HMCN1: variants seen among roughly 807,000 people sequenced by gnomAD.
The protein encoded by HMCN1 is hemicentin 1.
In HMCN1, 321 loss-of-function variants were observed where a neutral mutation model predicts 625.9. The observed-to-expected ratio is 0.51, with a 90% CI of 0.47 to 0.56. The LOEUF is 0.56. Among genes scored for constraint, HMCN1 ranks in the 20% least tolerant of loss-of-function variants. The pLI is 0.00. For synonymous variants in HMCN1, 2,425 were observed against 2,417.6 expected, an observed-to-expected ratio of 1.00 and a Z score of -0.09; for missense variants, 6,588 against 6,887.3, an observed-to-expected ratio of 0.96 and a Z score of 1.54.
In HMCN1 at chr1:185,865,777, A is replaced by C. The variant is rs1243860052; in HGVS notation, c.535A>C (p.Thr179Pro). 2.5e-6 allele frequency: 4 copies of C among 1,611,276 alleles called. No individual in the cohort carries two copies. The African/African-American group carries it at 5.4e-5, about 22-fold the overall frequency. Reference protein sequence around the residue: ...FVLTGDCDDRTHIGYKVYEEI... With the variant: ...FVLTGDCDDRPHIGYKVYEEI... ...TCTGACTGGAGATTGTGATGACAGGACCCATATTGGATATAAAGTCTATGA... is the reference window on the plus strand; with the variant it reads ...TCTGACTGGAGATTGTGATGACAGGCCCCATATTGGATATAAAGTCTATGA... The change falls in exon 4 of 107, where the codon ACC (threonine) becomes CCC (proline). Residue 179 changes from threonine to proline, a missense_variant. This residue lies in a region of HMCN1 where 4,628 missense variants were observed against 4,853.1 expected (regional missense o/e 0.95). Transcript: ENST00000271588.
chr1:186,161,457 G>T (rs1047778287), intron 97 of HMCN1, among the ~76,000 whole-genome samples: 1 of 151,912 alleles, frequency 6.6e-6, no homozygotes, highest in East Asian at 1.9e-4. Context: ...ATTTGAACCT[G>T]TCATTATGAT....
At chr1:186,000,559 A>ATG (rs68110596) in intron 26 of HMCN1, among the ~76,000 whole-genome samples, 31,313 of 144,534 alleles carry the variant, frequency 0.22, 3,277 homozygotes, top group East Asian at 0.33. Context: ...GTGTGTGTGT[A>ATG]TGTGTGTGTG....
In HMCN1 at chr1:186,117,633, A is replaced by C. The variant is rs745901673; in HGVS notation, c.11848+10A>C. 1.9e-6 allele frequency: 3 copies of C among 1,611,590 alleles called. No homozygotes were observed. The highest frequency in any genetic ancestry group is 2.5e-6 in the Non-Finnish European group (3 of 1,177,778). The stretch of plus-strand genomic sequence containing the variant: ...AGAATTCTGTCCTCAGGTAAGACCA[A>C]GCTCAGTGATTTCACATCTATTGAT... On this transcript the variant is annotated intron_variant, in intron 77 of 106. Transcript: ENST00000271588.
rs189951644 is a variant in HMCN1 at position 185,933,585 on chromosome 1, C to T, written c.1589C>T (p.Thr530Ile). ...GTCATCCAAGTGCCTAACAATGTTA[C>T]AGTCACTCCTGGAGAGAGAGCAGTT... ...PPVIQVPNNV[T>I]VTPGERAVLT... The change falls in exon 11 of 107, where the codon ACA (threonine) becomes ATA (isoleucine). Residue 530 changes from threonine (T) to isoleucine (I), a missense_variant. Thr to Ile is a moderately conservative substitution (Grantham distance 89). Around this residue, in one of 3 missense-constraint regions of HMCN1, gnomAD observed 4,628 missense variants for 4,853.1 expected, o/e 0.95. Transcript: ENST00000271588. 2.3e-5 allele frequency: 37 copies of T among 1,613,940 alleles called. No homozygotes were observed. The East Asian group carries it at 8.2e-4, about 36-fold the overall frequency.
chr1:186,139,084 A>G (rs1649797878), intron 89 of HMCN1, among the ~76,000 whole-genome samples: 1 of 152,246 alleles, frequency 6.6e-6, no homozygotes, highest in Admixed American at 6.5e-5. Flanking sequence ...AGAAAAAGAA[A>G]TAATGGACAA....
intron 44 of HMCN1, among the ~76,000 whole-genome samples, 166 bp downstream of exon 44, chr1:186,054,152 T>A (rs1341739067): frequency 6.6e-6 from 1 of 152,042 alleles, no homozygotes; most frequent in Non-Finnish European, 1.5e-5. Flanking sequence ...GAGCAATTAC[T>A]TCCTTCTGGC....
Position 186,128,117 on chromosome 1 carries a change from G to A in HMCN1, c.12730G>A (p.Ala4244Thr), listed in dbSNP as rs199754426. The part of the protein sequence containing the change: ...SGFYTCVANN[A>T]AGEDTHTVSL... ...CTTCTATACCTGTGTTGCTAACAATGCTGCAGGTGAAGATACACACACTGT... is the reference window on the plus strand; with the variant it reads ...CTTCTATACCTGTGTTGCTAACAATACTGCAGGTGAAGATACACACACTGT... Residue 4244 changes from alanine to threonine, a missense_variant, in exon 83 of 107, where the codon GCT (alanine) becomes ACT (threonine). Physicochemically the swap from Ala to Thr is moderately conservative, Grantham distance 58. Around this residue, in one of 3 missense-constraint regions of HMCN1, gnomAD observed 1,954 missense variants for 2,013.1 expected, o/e 0.97. Coordinates refer to ENST00000271588, the MANE Select transcript of HMCN1 (RefSeq NM_031935.3). 3.0e-5 allele frequency: 49 copies of A among 1,613,420 alleles called. No individual in the cohort carries two copies. The highest frequency in any genetic ancestry group is 4.0e-5 in the Non-Finnish European group (47 of 1,179,678).
intron 29 of HMCN1, among the ~76,000 whole-genome samples, chr1:186,006,871 G>T (rs1653669365): frequency 6.6e-6 from 1 of 151,716 alleles, no homozygotes; most frequent in South Asian, 2.1e-4. Flanking sequence ...GACACTACTG[G>T]ATTTCTATTA....
chr1:185,881,684 A>G lies in HMCN1; in HGVS notation c.621+15821A>G, dbSNP rs376656486. Among the ~76,000 whole-genome samples the G allele has an allele frequency of 2.4e-4, 37 of 152,334 alleles. No homozygotes were observed. The East Asian group carries it at 2.7e-3, about 11-fold the overall frequency. On this transcript the variant is annotated intron_variant, in intron 4 of 106. Transcript: ENST00000271588. ...GCCTCCTGCCCCTATCACAGTGTCCATCATTTTTATTAGAAATGTAGAACA... is the reference window on the plus strand; with the variant it reads ...GCCTCCTGCCCCTATCACAGTGTCCGTCATTTTTATTAGAAATGTAGAACA...
chr1:186,081,257 G>C lies in HMCN1; in HGVS notation c.8650G>C (p.Val2884Leu). 4 of 1,613,632 alleles carry C rather than the reference G, an allele frequency of 2.5e-6. No individual in the cohort carries two copies. The highest frequency in any genetic ancestry group is 3.4e-6 in the Non-Finnish European group (4 of 1,179,620). ...ANSDLPEEVT[V>L]LVNKSALIEC... is the part of the protein sequence containing the mutation. Reference sequence around the variant, plus strand: ...TAGTGATCTCCCTGAAGAGGTCACCGTGCTGGTGAACAAGAGTGCACTGAT... The same window carrying C: ...TAGTGATCTCCCTGAAGAGGTCACCCTGCTGGTGAACAAGAGTGCACTGAT... Residue 2884 changes from valine to leucine, a missense_variant, in exon 56 of 107, where the codon GTG (valine) becomes CTG (leucine). Physicochemically the swap from Val to Leu is conservative, Grantham distance 32. Around this residue, in one of 3 missense-constraint regions of HMCN1, gnomAD observed 4,628 missense variants for 4,853.1 expected, o/e 0.95. Coordinates refer to ENST00000271588, the MANE Select transcript of HMCN1 (RefSeq NM_031935.3).
intron 30 of HMCN1, among the ~76,000 whole-genome samples, chr1:186,011,522 A>G (rs1410681571): frequency 6.6e-6 from 1 of 152,254 alleles, no homozygotes; most frequent in Non-Finnish European, 1.5e-5. Flanking sequence ...TTGACTGCCA[A>G]TTAATAAATT....
At chr1:185,904,441 A>G (rs1343219081) in intron 4 of HMCN1, among the ~76,000 whole-genome samples, 1 of 151,862 alleles carries the variant, frequency 6.6e-6, no homozygotes, top group East Asian at 1.9e-4. Context: ...ACTCTTAACA[A>G]TTTGGTGCCA....
intron 14 of HMCN1, 114 bp from the exon 15 acceptor site, chr1:185,970,221 G>A: frequency 2.1e-6 from 2 of 952,594 alleles, no homozygotes; most frequent in Non-Finnish European, 3.4e-6. Context: ...CCAAACACTT[G>A]TGTTTAAAAA....
intron 68 of HMCN1, among the ~76,000 whole-genome samples, chr1:186,098,888 C>G (rs1294844155): frequency 6.6e-6 from 1 of 151,992 alleles, no homozygotes; most frequent in Non-Finnish European, 1.5e-5. Flanking sequence ...ATGGATGAAC[C>G]TGGAGAACAT....
In HMCN1 at chr1:185,973,603, G is replaced by GA. The variant is rs1650985140; in HGVS notation, c.2371+3114dup. Among the ~76,000 whole-genome samples the GA allele has an allele frequency of 2.0e-5, 3 of 151,894 alleles. No homozygotes were observed. In the South Asian group the frequency reaches 6.2e-4, roughly 32 times the overall value. On this transcript the variant is annotated intron_variant, in intron 15 of 106. Transcript: ENST00000271588. ...CAACAATACTAGATCAAAAAATTAT[G>GA]AAAAGGCTATTTAATACGATTTTTG...
chr1:186,156,139 A>C (rs905617925), intron 97 of HMCN1, among the ~76,000 whole-genome samples: 1 of 152,114 alleles, frequency 6.6e-6, no homozygotes, highest in African/African-American at 2.4e-5. Flanking sequence ...ATTAATTATA[A>C]AGTATATATT....
chr1:185,891,294 G>T lies in HMCN1; in HGVS notation c.622-18043G>T, dbSNP rs1422887370. Among the ~76,000 whole-genome samples the T allele has an allele frequency of 2.1e-4, 30 of 141,200 alleles. 1 individual carries two copies. Among genetic ancestry groups the T allele is most frequent in the Non-Finnish European group, 3.2e-4 (21 of 66,500 alleles). 92.6% of individuals were successfully genotyped at this position (141,200 alleles called of 152,430 possible). A position where few individuals can be genotyped will look rare whatever the true frequency, so the allele number is the denominator to read the frequency against. On this transcript the variant is annotated intron_variant, in intron 4 of 106. Coordinates refer to ENST00000271588, the MANE Select transcript of HMCN1 (RefSeq NM_031935.3). ...TGCCAGTCTGTGTCTTTTAATTGGAGCATTTAGTCCATTTACATTTAAAGT... is the reference window on the plus strand; with the variant it reads ...TGCCAGTCTGTGTCTTTTAATTGGATCATTTAGTCCATTTACATTTAAAGT...
intron 11 of HMCN1, among the ~76,000 whole-genome samples, chr1:185,946,222 C>T (rs374407647): frequency 1.5e-4 from 23 of 152,250 alleles, no homozygotes; most frequent in South Asian, 1.5e-3. Flanking sequence ...TATCAACATA[C>T]GTTAAAGGCT....
chr1:185,984,941 A>T (rs750239118), intron 19 of HMCN1, among the ~76,000 whole-genome samples: 91 of 151,814 alleles, frequency 6.0e-4, no homozygotes, highest in South Asian at 1.2e-3. Context: ...TTGCTTTTTT[A>T]AAAAAAACAA....
Sources: allele counts gnomAD v4.1 joint callset (sites outside exome capture counted in the v4.1 genomes callset), GRCh38; gene constraint gnomAD v4.1.1; regional missense constraint gnomAD v4.1.1; transcripts MANE v1.5; gene names NCBI Gene and HGNC (gene_info 2026-07-23, HGNC 2026-07-21).